The following UHMK1 variants were observed in gnomAD, a reference collection of about 807,000 sequenced individuals.
UHMK1 encodes the protein serine/threonine-protein kinase Kist.
A neutral mutation model predicts 44.0 loss-of-function variants in UHMK1; 18 were observed. The ratio of observed to expected loss-of-function variants is 0.41; its 90% CI spans 0.28 to 0.61. UHMK1 has a LOEUF of 0.61. UHMK1 is among the 20% of genes least tolerant of loss of function. UHMK1 has a pLI of 0.31. For missense variants in UHMK1, 463 were observed against 522.5 expected, an observed-to-expected ratio of 0.89 and a Z score of 1.11; for synonymous variants, 231 against 198.5, an observed-to-expected ratio of 1.16 and a Z score of -1.38.
At chr1:162,518,053 A>G (rs780971733) in intron 6 of UHMK1, 49 bp from the exon 7 acceptor site, 1 of 1,318,260 alleles carries the variant, frequency 7.6e-7, no homozygotes, top group East Asian at 2.3e-5. Context: ...AATGTTGAAT[A>G]CTTGTTTATT....
At chr1:162,503,314 A>G (rs1240607809) in intron 3 of UHMK1, among the ~76,000 whole-genome samples, 2 of 152,026 alleles carry the variant, frequency 1.3e-5, no homozygotes, top group African/African-American at 4.8e-5. Flanking sequence ...TCCTCTGTTA[A>G]GATTGTAGGC....
At chr1:162,518,291 AG>A in intron 7 of UHMK1, 101 bp downstream of exon 7, 1 of 764,072 alleles carries the variant, frequency 1.3e-6, no homozygotes, top group East Asian at 2.6e-5. Context: ...AATTTTGCTA[AG>A]GATTATGAGT....
intron 7 of UHMK1, 116 bp from the exon 8 acceptor site, chr1:162,522,288 C>CA: frequency 8.0e-7 from 1 of 1,245,656 alleles, no homozygotes; most frequent in Non-Finnish European, 1.1e-6. Flanking sequence ...CCTAAGGAAG[C>CA]AAAATCTGCA....
chr1:162,514,881 G>A (rs760091603), intron 6 of UHMK1, among the ~76,000 whole-genome samples: 2 of 152,170 alleles, frequency 1.3e-5, no homozygotes, highest in Non-Finnish European at 2.9e-5. Flanking sequence ...TCTAAGTTAC[G>A]TAAGTTATAA....
At chr1:162,518,702 C>T (rs574815863) in intron 7 of UHMK1, among the ~76,000 whole-genome samples, 1 of 145,816 alleles carries the variant, frequency 6.9e-6, no homozygotes, top group African/African-American at 2.5e-5. Context: ...AAAAAAACTA[C>T]TTTTGGCTGG....
intron 7 of UHMK1, among the ~76,000 whole-genome samples, chr1:162,521,219 T>A (rs1652045497): frequency 6.6e-6 from 1 of 152,162 alleles, no homozygotes; most frequent in African/African-American, 2.4e-5. Flanking sequence ...ATAATCAGAA[T>A]TAAAATGATA....
intron 2 of UHMK1, 53 bp downstream of exon 2, chr1:162,500,300 C>A: frequency 6.5e-7 from 1 of 1,549,562 alleles, no homozygotes; most frequent in South Asian, 1.2e-5. Context: ...GTGGTTGAAG[C>A]CAAATATTTT....
At chr1:162,506,206 AT>A (rs1015923334) in intron 4 of UHMK1, among the ~76,000 whole-genome samples, 1 of 129,776 alleles carries the variant, frequency 7.7e-6, no homozygotes, top group African/African-American at 3.0e-5. Context: ...TCTTATTTTT[AT>A]TTTTTTTAAA....
At chr1:162,503,152 T>C (rs562802152) in intron 3 of UHMK1, among the ~76,000 whole-genome samples, 2 of 152,360 alleles carry the variant, frequency 1.3e-5, no homozygotes, top group African/African-American at 4.8e-5. Context: ...TCACCTATTA[T>C]ACATTCATTT....
At chr1:162,500,344 A>G (rs1478217135) in intron 2 of UHMK1, 97 bp downstream of exon 2, 1 of 1,376,538 alleles carries the variant, frequency 7.3e-7, no homozygotes. Flanking sequence ...GGGGCTTACA[A>G]GTCATTTTAA....
rs1312955828 is a variant in UHMK1, at chr1:162,523,879, A to C, written c.*1329A>C. The C allele has an allele frequency of 1.3e-5, 2 of 152,180 alleles. No individual in the cohort carries two copies. The highest frequency in any genetic ancestry group is 1.5e-5 in the Non-Finnish European group (1 of 68,038). The allele number at this position is 152,180 out of a possible 1,614,324, so 9.4% of individuals were successfully genotyped here. A position where few individuals can be genotyped will look rare whatever the true frequency, so the allele number is the denominator to read the frequency against. ...AAGAAAAACTCAAAGAATTCTTAAA[A>C]GGATTCATAGCAACATAATGTGTCC... On this transcript the variant is annotated 3_prime_UTR_variant, in exon 8 of 8. Transcript: ENST00000489294.
rs951683731 is a variant in UHMK1 at position 162,500,056 on chromosome 1, T to C, written c.370T>C (p.Tyr124His). 2.5e-6 allele frequency: 4 copies of C among 1,614,260 alleles called. No individual in the cohort carries two copies. The highest frequency in any genetic ancestry group is 3.3e-5 in the Admixed American group (2 of 60,032). The stretch of plus-strand genomic sequence containing the variant: ...TGTCAGTGTTTCGGAATTGCTCTTA[T>C]ATTCCAGTCACCAGGGTTGTTCCAT... ...LDVSVSELLLYSSHQGCSMWM... is the reference protein window; with the variant it reads ...LDVSVSELLLHSSHQGCSMWM... The change falls in exon 2 of 8, where the codon TAT (tyrosine) becomes CAT (histidine). Residue 124 changes from tyrosine to histidine, a missense_variant. Around this residue, in one of 3 missense-constraint regions of UHMK1, gnomAD observed 191 missense variants for 176.0 expected, o/e 1.09. Coordinates refer to ENST00000489294, the MANE Select transcript of UHMK1 (RefSeq NM_175866.5).
At chr1:162,510,732 A>G (rs1288714471) in intron 4 of UHMK1, among the ~76,000 whole-genome samples, 1 of 151,592 alleles carries the variant, frequency 6.6e-6, no homozygotes, top group South Asian at 2.1e-4. Flanking sequence ...ACTTAGGTTG[A>G]TTCCATATCT....
chr1:162,506,307 C>T (rs1333312983), intron 4 of UHMK1, among the ~76,000 whole-genome samples: 2 of 148,384 alleles, frequency 1.3e-5, no homozygotes, highest in African/African-American at 2.5e-5. Context: ...AATTATAAAC[C>T]CACATTCTAG....
chr1:162,524,084 A>G lies in UHMK1; in HGVS notation c.*1534A>G, dbSNP rs918520412. 2.0e-5 allele frequency: 3 copies of G among 151,920 alleles called. No homozygotes were observed. Among genetic ancestry groups the G allele is most frequent in the African/African-American group, 4.8e-5 (2 of 41,380 alleles). The allele number at this position is 151,920 out of a possible 1,614,324, so 9.4% of individuals were successfully genotyped here. Reference sequence around the variant, plus strand: ...AAAAAAGACAAGTTATATACAGGTTATTAATTTTTTTATTTATTTATTTTT... The same window carrying G: ...AAAAAAGACAAGTTATATACAGGTTGTTAATTTTTTTATTTATTTATTTTT... On this transcript the variant is annotated 3_prime_UTR_variant, in exon 8 of 8. Transcript: ENST00000489294.
In UHMK1 at chr1:162,497,961, G is replaced by T; in HGVS notation, c.-40G>T. On this transcript the variant is annotated 5_prime_UTR_variant, in exon 1 of 8. Transcript: ENST00000489294. ...CGGGCCCGGCCGGCCTGCCTCAGGC[G>T]TCGCGTCAGCTCCCGTGTCCGTGCC... 1 of 1,452,762 alleles carries T rather than the reference G, an allele frequency of 6.9e-7. No individual in the cohort carries two copies. The highest frequency in any genetic ancestry group is 9.1e-7 in the Non-Finnish European group (1 of 1,102,924). 90.0% of individuals were successfully genotyped at this position (1,452,762 alleles called of 1,614,324 possible). A position where few individuals can be genotyped will look rare whatever the true frequency, so the allele number is the denominator to read the frequency against.
chr1:162,503,659 T>C, intron 3 of UHMK1, 95 bp from the exon 4 acceptor site: 2 of 773,652 alleles, frequency 2.6e-6, no homozygotes, highest in Non-Finnish European at 4.1e-6. Flanking sequence ...AGATAGTGTT[T>C]TCTGTTGCAT....
rs1004102766 is a variant in UHMK1 at position 162,524,212 on chromosome 1, A to G, written c.*1662A>G. 10 of 152,148 alleles carry G rather than the reference A, an allele frequency of 6.6e-5. No homozygotes were observed. Among genetic ancestry groups the G allele is most frequent in the Non-Finnish European group, 1.3e-4 (9 of 68,014 alleles). 9.4% of individuals were successfully genotyped at this position (152,148 alleles called of 1,614,324 possible). On this transcript the variant is annotated 3_prime_UTR_variant, in exon 8 of 8. Transcript: ENST00000489294. ...AGAGTCCAGTTAGAATTTGCATTTT[A>G]CAGAATGAAATACTTTACCCCATTC...
At chr1:162,513,603 A>G (rs1212389871) in intron 6 of UHMK1, among the ~76,000 whole-genome samples, 1 of 152,194 alleles carries the variant, frequency 6.6e-6, no homozygotes, top group East Asian at 1.9e-4. Context: ...TTCTCTACAG[A>G]CGTTATATCT....
Sources: gnomAD v4.1 joint callset for allele counts (sites outside exome capture counted in the v4.1 genomes callset) on GRCh38, gnomAD v4.1.1 for gene constraint, gnomAD v4.1.1 regional missense constraint, MANE v1.5 for transcripts, NCBI Gene and HGNC (gene_info 2026-07-23, HGNC 2026-07-21) for gene names.